The following NOTCH3 variants were observed in gnomAD, a reference collection of about 807,000 sequenced individuals.
NOTCH3 encodes the protein neurogenic locus notch homolog protein 3.
NOTCH3 carries 86 observed loss-of-function variants against 213.3 expected under a neutral mutation model. The ratio of observed to expected loss-of-function variants is 0.40; its 90% CI spans 0.34 to 0.48. The LOEUF (loss-of-function observed/expected upper bound fraction) is 0.48. Ranked by LOEUF, NOTCH3 falls within the 20% of genes least tolerant of loss-of-function variation. The probability of loss-of-function intolerance (pLI) is 0.57; values close to 1 mark genes in which losing one functional copy is unlikely to be tolerated. For missense variants in NOTCH3, 2,783 were observed against 3,272.6 expected (o/e 0.85, Z 3.65); for synonymous variants, 1,354 against 1,355.9 (o/e 1.00, Z 0.03).
rs200842390 is a variant in NOTCH3 at position 15,179,067 on chromosome 19, G to A, written c.3676C>T (p.Pro1226Ser). The A allele has an allele frequency of 6.2e-7, 1 of 1,614,208 alleles. No homozygotes were observed. The highest frequency in any genetic ancestry group is 2.2e-5 in the East Asian group (1 of 44,890). The stretch of plus-strand genomic sequence containing the variant: ...CAAAGGCAACGGAAACCTCCGCCTG[G>A]GTCCTGCAGGCAGTCCCGGGTGTGT... ...AAHTRDCLQD[P>S]GGGFRCLCHA... Residue 1226 changes from proline (P) to serine (S), a missense_variant, in exon 22 of 33, where the codon CCA (proline) becomes TCA (serine). By Grantham distance (74) the Pro-to-Ser change is moderately conservative. Around this residue, in one of 6 missense-constraint regions of NOTCH3, gnomAD observed 861 missense variants for 909.1 expected, o/e 0.95. Coordinates refer to ENST00000263388, the MANE Select transcript of NOTCH3 (RefSeq NM_000435.3).
At chr19:15,181,190 TCAGGCTCCGCCCCCTCA>T in intron 17 of NOTCH3, 28 bp from the exon 18 acceptor site, 2 of 1,594,388 alleles carry the variant, frequency 1.3e-6, no homozygotes, top group Non-Finnish European at 1.7e-6. Context: ...GGAGGGAGGA[TCAGGCTCCGCCCCCTCA>T]CAGGCCCTGC....
chr19:15,182,934 G>A (rs200505609), intron 16 of NOTCH3, among the ~76,000 whole-genome samples: 9 of 152,108 alleles, frequency 5.9e-5, no homozygotes, highest in South Asian at 2.1e-4. Flanking sequence ...GAGCCACTGC[G>A]CCCAGCCGAT....
rs1450887144 is a variant in NOTCH3, at chr19:15,184,967, C to T, written c.2349G>A (p.Gly783=). Residue 783 remains glycine (G), a synonymous_variant, in exon 15 of 33, where the codon GGG becomes GGA. Coordinates refer to ENST00000263388, the MANE Select transcript of NOTCH3 (RefSeq NM_000435.3). The stretch of plus-strand genomic sequence containing the variant: ...GGCCAGGGGCAGACTCGCAGCGGCC[C>T]CCATGCTCACAGGGGTTCGGGGTGC... ...SPCTPNPCEH[G]GRCESAPGQL... is the part of the protein sequence containing the mutation. 1 of 1,547,620 alleles carries T rather than the reference C, an allele frequency of 6.5e-7. No individual in the cohort carries two copies. Among genetic ancestry groups the T allele is most frequent in the South Asian group, 1.2e-5 (1 of 83,622 alleles).
intron 7 of NOTCH3, 46 bp from the exon 8 acceptor site, chr19:15,189,220 C>T (rs779402073): frequency 2.5e-5 from 40 of 1,613,124 alleles, no homozygotes; most frequent in Non-Finnish European, 2.7e-5. Context: ...GGCCGGGACC[C>T]CCTCCTCTCC....
In NOTCH3 at chr19:15,160,200, G is replaced by A. The variant is rs886680216; in HGVS notation, c.*462C>T. On this transcript the variant is annotated 3_prime_UTR_variant, in exon 33 of 33. Transcript: ENST00000263388. ...AATGGGCCCACAGACTCAGCCCCAC[G>A]GGGGCACTGGGGGGTTCACAGGGGG... 10 of 240,298 alleles carry A rather than the reference G, an allele frequency of 4.2e-5. No homozygotes were observed. Among genetic ancestry groups the A allele is most frequent in the South Asian group, 1.6e-4 (1 of 6,144 alleles). The allele number at this position is 240,298 out of a possible 1,614,324, so 14.9% of individuals were successfully genotyped here.
Position 15,197,529 on chromosome 19 carries a change from G to C in NOTCH3, c.168C>G (p.Thr56=), listed in dbSNP as rs1191645918. The part of the protein sequence containing the change: ...GSPCANGGRC[T]QLPSREAACL... ...AGGCAGCCTCCCGGGAGGGCAGCTG[G>C]GTGCAACGACCTCCATTTGCACACG... Residue 56 remains threonine, a synonymous_variant, in exon 2 of 33, where the codon ACC becomes ACG. Coordinates refer to ENST00000263388, the MANE Select transcript of NOTCH3 (RefSeq NM_000435.3). 21 of 1,611,600 alleles carry C rather than the reference G, an allele frequency of 1.3e-5. 1 individual carries two copies. Among genetic ancestry groups the C allele is most frequent in the South Asian group, 3.3e-5 (3 of 90,956 alleles).
chr19:15,197,713 C>T, intron 1 of NOTCH3, 135 bp from the exon 2 acceptor site: 1 of 635,142 alleles, frequency 1.6e-6, no homozygotes, highest in Non-Finnish European at 2.6e-6. Flanking sequence ...TGCAGGGAGT[C>T]CCCCCATCCA....
At chr19:15,163,692 A>G (rs7245814) in intron 31 of NOTCH3, among the ~76,000 whole-genome samples, 137,040 of 152,202 alleles carry the variant, frequency 0.9, 62,006 homozygotes, top group African/African-American at 0.97. Flanking sequence ...TTACCCAGGT[A>G]TGCTGGCACA....
chr19:15,199,929 C>T (rs953783235), intron 1 of NOTCH3, among the ~76,000 whole-genome samples: 10 of 152,060 alleles, frequency 6.6e-5, no homozygotes, highest in South Asian at 2.1e-4. Flanking sequence ...CAGCCCCCTC[C>T]CCGGCCCAGC....
rs2145408507 is a variant in NOTCH3, at chr19:15,174,109, G to A, written c.4695C>T (p.Ser1565=). Residue 1565 remains serine (S), a synonymous_variant, in exon 25 of 33, where the codon TCC becomes TCT. Coordinates refer to ENST00000263388, the MANE Select transcript of NOTCH3 (RefSeq NM_000435.3). Reference sequence around the variant, plus strand: ...CCAGCTCCCGACGGGCCCGGGGTTCGGAGCCAGGACTAGGCCGGTGGTAAG... The same window carrying A: ...CCAGCTCCCGACGGGCCCGGGGTTCAGAGCCAGGACTAGGCCGGTGGTAAG... ...VFPYHRPSPG[S]EPRARRELAP... 2 of 1,594,666 alleles carry A rather than the reference G, an allele frequency of 1.3e-6. No individual in the cohort carries two copies. The highest frequency in any genetic ancestry group is 1.7e-6 in the Non-Finnish European group (2 of 1,166,664).
intron 31 of NOTCH3, among the ~76,000 whole-genome samples, chr19:15,163,935 A>G (rs1014979172): frequency 2.0e-5 from 3 of 152,210 alleles, no homozygotes; most frequent in Non-Finnish European, 4.4e-5. Context: ...GCTAACTGAA[A>G]AAAAGGCAGA....
At chr19:15,180,492 T>C (rs2046830338) in intron 19 of NOTCH3, among the ~76,000 whole-genome samples, 189 bp downstream of exon 19, 1 of 152,092 alleles carries the variant, frequency 6.6e-6, no homozygotes, top group Non-Finnish European at 1.5e-5. Flanking sequence ...CCATCCCTGC[T>C]GTCTCACAGT....
At chr19:15,184,871 T>G in intron 15 of NOTCH3, 35 bp downstream of exon 15, 1 of 1,167,168 alleles carries the variant, frequency 8.6e-7, no homozygotes, top group Non-Finnish European at 1.3e-6. Flanking sequence ...GCAGAGGAGA[T>G]GGAGAGGAGG....
chr19:15,170,262 A>G, intron 27 of NOTCH3, 69 bp downstream of exon 27: 1 of 1,533,196 alleles, frequency 6.5e-7, no homozygotes. Flanking sequence ...GGTCTGAGTC[A>G]GGTCAAGGCG....
chr19:15,188,953 G>A, intron 8 of NOTCH3, 36 bp downstream of exon 8: 1 of 1,591,480 alleles, frequency 6.3e-7, no homozygotes, highest in Non-Finnish European at 8.6e-7. Context: ...CCCGCCCCCT[G>A]CCTCAGGACC....
chr19:15,160,960 G>A lies in NOTCH3; in HGVS notation c.6668C>T (p.Ala2223Val), dbSNP rs1044009. The A allele has an allele frequency of 0.75, 1,190,588 of 1,578,678 alleles. 454,095 individuals carry two copies. The highest frequency in any genetic ancestry group is 0.78 in the Non-Finnish European group (912,632 of 1,162,830). Residue 2223 changes from alanine (A) to valine (V), a missense_variant, in exon 33 of 33, where the codon GCG (alanine) becomes GTG (valine). Around this residue, in one of 6 missense-constraint regions of NOTCH3, gnomAD observed 441 missense variants for 432.1 expected, o/e 1.02. Coordinates refer to ENST00000263388, the MANE Select transcript of NOTCH3 (RefSeq NM_000435.3). ...TGGGGGGCTGCTGTGTGCCCCAGCC[G>A]CCGGGTACTCCTCGCCATGTCCTGG... ...AVPGHGEEYPAAGAHSSPPKA... is the reference protein window; with the variant it reads ...AVPGHGEEYPVAGAHSSPPKA...
chr19:15,181,937 A>C, intron 16 of NOTCH3, 136 bp from the exon 17 acceptor site: 1 of 716,510 alleles, frequency 1.4e-6, no homozygotes, highest in Non-Finnish European at 2.3e-6. Context: ...GGTCAGAGGA[A>C]TCTAAATCCA....
chr19:15,162,599 C>T, intron 31 of NOTCH3, 37 bp from the exon 32 acceptor site: 1 of 1,571,662 alleles, frequency 6.4e-7, no homozygotes, highest in Non-Finnish European at 8.7e-7. Flanking sequence ...GGACCAGGCA[C>T]CTGTCCTGGG....
chr19:15,185,001 A>G lies in NOTCH3; in HGVS notation c.2315T>C (p.Leu772Pro), dbSNP rs1347147350. ...ACAGGGGTTCGGGGTGCAGGGGGAG[A>G]GGAGTTCACACTGACGTCCTGTTGG... ...PGVQGRQCEL[L>P]SPCTPNPCEH... The change falls in exon 15 of 33, where the codon CTC becomes CCC. Residue 772 changes from leucine (L) to proline (P), a missense_variant. Leu to Pro is a moderately conservative substitution (Grantham distance 98). Coordinates refer to ENST00000263388, the MANE Select transcript of NOTCH3 (RefSeq NM_000435.3). This position sits in a 1 kb window ranked among gnomAD's most constrained non-coding sequence, Gnocchi z 4.2. 4 of 1,522,904 alleles carry G rather than the reference A, an allele frequency of 2.6e-6. No individual in the cohort carries two copies. The highest frequency in any genetic ancestry group is 3.5e-6 in the Non-Finnish European group (4 of 1,127,164). 94.3% of individuals were successfully genotyped at this position (1,522,904 alleles called of 1,614,324 possible).
Sources: gnomAD v4.1 joint callset for allele counts (sites outside exome capture counted in the v4.1 genomes callset) on GRCh38, gnomAD v4.1.1 for gene constraint, gnomAD v4.1.1 regional missense constraint, Gnocchi (gnomAD v3.1) non-coding constraint, MANE v1.5 for transcripts, NCBI Gene and HGNC (gene_info 2026-07-23, HGNC 2026-07-21) for gene names.